The following AGBL4 variants were observed in gnomAD, a reference collection of about 807,000 sequenced individuals.
The protein encoded by AGBL4 is AGBL carboxypeptidase 4.
Under a neutral mutation model 66.4 loss-of-function variants are expected in AGBL4, and 58 were observed. The ratio of observed to expected loss-of-function variants is 0.87; its 90% confidence interval spans 0.71 to 1.09. The LOEUF is 1.09. Ranked by LOEUF, AGBL4 falls within the 50% of genes least tolerant of loss-of-function variation. The pLI is 0.00. For synonymous variants in AGBL4, 234 were observed against 222.9 expected (o/e 1.05, Z -0.44); for missense variants, 579 against 631.0 (o/e 0.92, Z 0.88).
intron 2 of AGBL4, among the ~76,000 whole-genome samples, chr1:49,759,037 C>A (rs1408433839): frequency 6.6e-6 from 1 of 152,112 alleles, no homozygotes; most frequent in African/African-American, 2.4e-5. Context: ...TGATTGAATT[C>A]TCAGGAGATC....
At chr1:48,615,953 A>G (rs1424602692) in intron 9 of AGBL4, among the ~76,000 whole-genome samples, 1 of 152,182 alleles carries the variant, frequency 6.6e-6, no homozygotes, top group Non-Finnish European at 1.5e-5. Context: ...GGAAGTAATG[A>G]AAGGGTGAAA....
intron 1 of AGBL4, among the ~76,000 whole-genome samples, chr1:49,860,571 T>C (rs1646544621): frequency 6.6e-6 from 1 of 152,094 alleles, no homozygotes; most frequent in East Asian, 1.9e-4. Flanking sequence ...TGGTGGCACA[T>C]GCCACTAGTC....
chr1:48,606,308 T>G (rs1267074842), intron 9 of AGBL4, among the ~76,000 whole-genome samples: 1 of 152,188 alleles, frequency 6.6e-6, no homozygotes, highest in Non-Finnish European at 1.5e-5. Context: ...GGAGGAGGAT[T>G]TGCTCATTCT....
chr1:49,415,010 A>G (rs1310578777), intron 3 of AGBL4, among the ~76,000 whole-genome samples: 1 of 152,154 alleles, frequency 6.6e-6, no homozygotes, highest in Non-Finnish European at 1.5e-5. Context: ...TAGATGAGGA[A>G]CCTGAGGCAT....
chr1:48,574,299 T>A (rs1043608063), intron 11 of AGBL4, among the ~76,000 whole-genome samples: 1 of 152,168 alleles, frequency 6.6e-6, no homozygotes, highest in Non-Finnish European at 1.5e-5. Flanking sequence ...TGGCTTAGGA[T>A]ACGAACACAG....
rs1283255290 is a variant in AGBL4, at chr1:49,715,376, T to C, written c.158-17939A>G. Among the ~76,000 whole-genome samples, 6 of 152,278 alleles carry C rather than the reference T, an allele frequency of 3.9e-5. No individual in the cohort carries two copies. The South Asian group carries it at 1.0e-3, about 26-fold the overall frequency. The stretch of plus-strand genomic sequence containing the variant: ...TATCCAGTCTATCATTGATGGGCAT[T>C]TGGGTTGATTCCAAGTCTTTGCTAT... On this transcript the variant is annotated intron_variant, in intron 2 of 13. Transcript: ENST00000371839.
At chr1:49,024,252 C>T (rs1229792736) in intron 5 of AGBL4, among the ~76,000 whole-genome samples, 1 of 152,110 alleles carries the variant, frequency 6.6e-6, no homozygotes, top group Non-Finnish European at 1.5e-5. Flanking sequence ...TCTCAAACAT[C>T]CTTCTCCACA....
At chr1:49,533,877 C>G (rs996631573) in intron 3 of AGBL4, among the ~76,000 whole-genome samples, 1 of 152,028 alleles carries the variant, frequency 6.6e-6, no homozygotes, top group Non-Finnish European at 1.5e-5. Context: ...CTTTTAACTA[C>G]CTAGCCCCAA....
intron 1 of AGBL4, among the ~76,000 whole-genome samples, chr1:49,947,915 T>G (rs2148307292): frequency 7.6e-6 from 1 of 132,412 alleles, no homozygotes; most frequent in Non-Finnish European, 1.6e-5. Flanking sequence ...AAGCTGAGAA[T>G]CAAATCAAGA....
At chr1:49,175,382 A>G (rs1646812667) in intron 4 of AGBL4, among the ~76,000 whole-genome samples, 1 of 152,090 alleles carries the variant, frequency 6.6e-6, no homozygotes, top group African/African-American at 2.4e-5. Flanking sequence ...GTATTATTGT[A>G]TGTTTTCACA....
chr1:49,372,378 C>T (rs1049705353), intron 3 of AGBL4, among the ~76,000 whole-genome samples: 2 of 152,084 alleles, frequency 1.3e-5, no homozygotes, highest in Admixed American at 6.6e-5. Context: ...CAGTATAATA[C>T]ACAAGCTCCT....
At chr1:49,222,728 T>C (rs1475184541) in intron 4 of AGBL4, among the ~76,000 whole-genome samples, 1 of 152,228 alleles carries the variant, frequency 6.6e-6, no homozygotes, top group Non-Finnish European at 1.5e-5. Flanking sequence ...GATAAATCTT[T>C]ATTTTGTAAT....
intron 4 of AGBL4, among the ~76,000 whole-genome samples, chr1:49,209,450 C>T (rs769123963): frequency 1.2e-4 from 18 of 152,096 alleles, no homozygotes; most frequent in Non-Finnish European, 2.1e-4. Context: ...GAAGTATCTT[C>T]CTCTCCCTCA....
intron 1 of AGBL4, among the ~76,000 whole-genome samples, chr1:49,909,771 A>G (rs927204606): frequency 2.0e-5 from 3 of 152,238 alleles, no homozygotes; most frequent in Non-Finnish European, 4.4e-5. Flanking sequence ...ATCAGGACTC[A>G]TTCATCAGGA....
intron 3 of AGBL4, among the ~76,000 whole-genome samples, chr1:49,470,510 G>C (rs1002659863): frequency 6.6e-6 from 1 of 151,928 alleles, no homozygotes; most frequent in Non-Finnish European, 1.5e-5. Context: ...TACCAAATAG[G>C]TTATGTGTTA....
At chr1:49,380,478 G>A (rs1443715595) in intron 3 of AGBL4, among the ~76,000 whole-genome samples, 2 of 152,030 alleles carry the variant, frequency 1.3e-5, no homozygotes, top group Non-Finnish European at 2.9e-5. Flanking sequence ...TTTCTTCACA[G>A]AATTGGAAAA....
At chr1:48,544,251 G>C (rs1234525766) in intron 11 of AGBL4, among the ~76,000 whole-genome samples, 5 of 152,254 alleles carry the variant, frequency 3.3e-5, no homozygotes, top group African/African-American at 7.2e-5. Flanking sequence ...GTCTCACCCA[G>C]CTTTCACCCA....
chr1:49,935,839 G>A (rs777387749), intron 1 of AGBL4, among the ~76,000 whole-genome samples: 2 of 152,082 alleles, frequency 1.3e-5, no homozygotes, highest in South Asian at 2.1e-4. Context: ...CCATCTGTAC[G>A]TCACCATCAT....
At chr1:49,255,916 A>C (rs1652453300) in intron 3 of AGBL4, among the ~76,000 whole-genome samples, 1 of 152,226 alleles carries the variant, frequency 6.6e-6, no homozygotes, top group Non-Finnish European at 1.5e-5. Context: ...AGGAACAGAA[A>C]ACCAAATATT....
Sources: allele counts gnomAD v4.1 joint callset (sites outside exome capture counted in the v4.1 genomes callset), GRCh38; gene constraint gnomAD v4.1.1; transcripts MANE v1.5; gene names NCBI Gene and HGNC (gene_info 2026-07-23, HGNC 2026-07-21).